Variants in ZNF431 observed in about 807,000 individuals in gnomAD.
ZNF431 encodes the protein zinc finger protein 431.
Under a neutral mutation model 57.0 loss-of-function variants are expected in ZNF431, and 34 were observed. That is an observed-to-expected ratio of 0.60 (90% confidence interval 0.45 to 0.79). The LOEUF (loss-of-function observed/expected upper bound fraction) is 0.79, where lower values mean the gene tolerates loss of function less well. Among genes scored for constraint, ZNF431 ranks in the 30% least tolerant of loss-of-function variants. The pLI is 0.00. For missense variants in ZNF431, 607 were observed against 667.1 expected (o/e 0.91, Z 0.99); for synonymous variants, 207 against 220.3 (o/e 0.94, Z 0.54).
intron 2 of ZNF431, among the ~76,000 whole-genome samples, chr19:21,153,355 C>T (rs991858525): frequency 6.6e-6 from 1 of 152,174 alleles, no homozygotes; most frequent in Admixed American, 6.5e-5. Flanking sequence ...TTTTACTCAG[C>T]CTCTATTCAA....
chr19:21,186,175 C>G lies in ZNF431; in HGVS notation c.*2141C>G, dbSNP rs1381992682. 1 of 152,130 alleles carries G rather than the reference C, an allele frequency of 6.6e-6. No homozygotes were observed. Among genetic ancestry groups the G allele is most frequent in the Non-Finnish European group, 1.5e-5 (1 of 68,092 alleles). 9.4% of individuals were successfully genotyped at this position (152,130 alleles called of 1,614,324 possible). On this transcript the variant is annotated 3_prime_UTR_variant, in exon 5 of 5. Coordinates refer to ENST00000311048, the MANE Select transcript of ZNF431 (RefSeq NM_133473.4). ...GCATGTGCCTGTAATCCCAGCTACT[C>G]AGGAGGCTGAGGCAGGAGAATCGCT...
At position 21,191,559 on chromosome 19, in the gene ZNF431, A is replaced by G. The variant is rs1419963571; in HGVS notation, c.*7525A>G. ...AGGCCTTACATTTAAGTACTAATTT[A>G]TTTCGAGTTTATTTTTACATATGGT... On this transcript the variant is annotated 3_prime_UTR_variant, in exon 5 of 5. Transcript: ENST00000311048. The G allele has an allele frequency of 6.6e-6, 1 of 152,046 alleles. No individual in the cohort carries two copies. The highest frequency in any genetic ancestry group is 1.5e-5 in the Non-Finnish European group (1 of 68,010). 9.4% of individuals were successfully genotyped at this position (152,046 alleles called of 1,614,324 possible). A position where few individuals can be genotyped will look rare whatever the true frequency, so the allele number is the denominator to read the frequency against.
chr19:21,145,271 C>A (rs558793442), intron 2 of ZNF431, among the ~76,000 whole-genome samples: 5 of 152,224 alleles, frequency 3.3e-5, no homozygotes, highest in African/African-American at 9.6e-5. Flanking sequence ...GTCAGGAGAT[C>A]GAGACCATCC....
At chr19:21,165,069 A>G (rs536359136) in intron 2 of ZNF431, among the ~76,000 whole-genome samples, 5 of 141,680 alleles carry the variant, frequency 3.5e-5, no homozygotes, top group Admixed American at 1.5e-4. Context: ...AGATCACACC[A>G]TTGCACTTCA....
In ZNF431 at chr19:21,190,510, A is replaced by G. The variant is rs1194663331; in HGVS notation, c.*6476A>G. The G allele has an allele frequency of 2.0e-5, 3 of 151,846 alleles. No individual in the cohort carries two copies. The highest frequency in any genetic ancestry group is 4.4e-5 in the Non-Finnish European group (3 of 67,992). The allele number at this position is 151,846 out of a possible 1,614,324, so 9.4% of individuals were successfully genotyped here. The stretch of plus-strand genomic sequence containing the variant: ...CCAACACTTTTTTCTTTTTCTTTTA[A>G]TAAGAGTTATTCTAACAGGAATGAG... On this transcript the variant is annotated 3_prime_UTR_variant, in exon 5 of 5. Coordinates refer to ENST00000311048, the MANE Select transcript of ZNF431 (RefSeq NM_133473.4).
chr19:21,157,366 G>A (rs753696814), intron 2 of ZNF431, among the ~76,000 whole-genome samples: 16 of 152,010 alleles, frequency 1.1e-4, no homozygotes, highest in Non-Finnish European at 1.8e-4. Flanking sequence ...GCCTATTATT[G>A]ACTTTCTAAT....
At chr19:21,166,663 C>G (rs1021401515) in intron 3 of ZNF431, among the ~76,000 whole-genome samples, 35 of 152,076 alleles carry the variant, frequency 2.3e-4, no homozygotes, top group Non-Finnish European at 1.5e-5. Flanking sequence ...CATTCCTGAG[C>G]TGATGTGTAT....
chr19:21,177,400 A>G (rs1309918879), intron 4 of ZNF431, among the ~76,000 whole-genome samples: 1 of 152,132 alleles, frequency 6.6e-6, no homozygotes, highest in African/African-American at 2.4e-5. Context: ...ATGTTTTTAT[A>G]ACAGTACCAG....
At chr19:21,171,534 T>C (rs1265393194) in intron 4 of ZNF431, among the ~76,000 whole-genome samples, 1 of 151,912 alleles carries the variant, frequency 6.6e-6, no homozygotes, top group African/African-American at 2.4e-5. Context: ...GATCAGATTA[T>C]ATGTGTGTGT....
At chr19:21,144,212 T>G (rs574384664) in intron 2 of ZNF431, among the ~76,000 whole-genome samples, 21 of 152,230 alleles carry the variant, frequency 1.4e-4, no homozygotes, top group African/African-American at 4.3e-4. Context: ...GGAATTTTTT[T>G]TTTTTTTTGA....
At chr19:21,144,793 G>C (rs1970036624) in intron 2 of ZNF431, among the ~76,000 whole-genome samples, 2 of 152,126 alleles carry the variant, frequency 1.3e-5, no homozygotes, top group South Asian at 4.1e-4. Flanking sequence ...TAGATAATTG[G>C]TGAGTTACAT....
In ZNF431 at chr19:21,195,580, T is replaced by C. The variant is rs1220586752; in HGVS notation, c.*11546T>C. 2 of 152,250 alleles carry C rather than the reference T, an allele frequency of 1.3e-5. No individual in the cohort carries two copies. The highest frequency in any genetic ancestry group is 4.8e-5 in the African/African-American group (2 of 41,480). 9.4% of individuals were successfully genotyped at this position (152,250 alleles called of 1,614,324 possible). On this transcript the variant is annotated 3_prime_UTR_variant, in exon 5 of 5. Transcript: ENST00000311048. ...GTATCAGACAACCATGATTATGATG[T>C]ATATACCTGGTATAAACAATCTTTT...
In ZNF431 at chr19:21,191,504, A is replaced by G. The variant is rs540522160; in HGVS notation, c.*7470A>G. ...AACAATGTTATAGGGCTTTTGCTCT[A>G]TATTTTGGCAGTAGTAGTTTCAGAG... On this transcript the variant is annotated 3_prime_UTR_variant, in exon 5 of 5. Coordinates refer to ENST00000311048, the MANE Select transcript of ZNF431 (RefSeq NM_133473.4). 6.6e-6 allele frequency: 1 copy of G among 152,110 alleles called. No homozygotes were observed. The highest frequency in any genetic ancestry group is 6.6e-5 in the Admixed American group (1 of 15,258). 9.4% of individuals were successfully genotyped at this position (152,110 alleles called of 1,614,324 possible).
rs1438540916 is a variant in ZNF431 at position 21,146,427 on chromosome 19, A to G, written c.96+2784A>G. Among the ~76,000 whole-genome samples, 16 of 138,718 alleles carry G rather than the reference A, an allele frequency of 1.2e-4. No individual in the cohort carries two copies. The East Asian group carries it at 3.4e-3, about 30-fold the overall frequency. The allele number at this position is 138,718 out of a possible 152,430, so 91.0% of individuals were successfully genotyped here. A position where few individuals can be genotyped will look rare whatever the true frequency, so the allele number is the denominator to read the frequency against. On this transcript the variant is annotated intron_variant, in intron 2 of 4. Coordinates refer to ENST00000311048, the MANE Select transcript of ZNF431 (RefSeq NM_133473.4). ...TCTGTCTGAAAAAAAAAAAAAAAAA[A>G]GAAGAAGAAAGAAAGTAAAGGAATA...
intron 4 of ZNF431, among the ~76,000 whole-genome samples, chr19:21,168,277 A>G (rs1031069138): frequency 6.6e-5 from 10 of 152,158 alleles, no homozygotes; most frequent in African/African-American, 2.4e-4. Context: ...TGTGAAAAAA[A>G]TACCACTGGA....
intron 2 of ZNF431, among the ~76,000 whole-genome samples, chr19:21,156,386 T>C (rs1210733126): frequency 6.6e-6 from 1 of 152,160 alleles, no homozygotes; most frequent in Non-Finnish European, 1.5e-5. Flanking sequence ...TTAACTTTTC[T>C]TTTTGGTTAA....
intron 4 of ZNF431, among the ~76,000 whole-genome samples, chr19:21,179,455 G>C (rs1405655523): frequency 6.6e-6 from 1 of 151,954 alleles, no homozygotes; most frequent in Non-Finnish European, 1.5e-5. Context: ...TATGATGTTA[G>C]GGTGTCCATT....
Position 21,194,680 on chromosome 19 carries a change from GC to G in ZNF431, c.*10647del, listed in dbSNP as rs1971573088. ...GATCGAGTTTTGCTGTGTTGGCCAG[GC>G]TGGTCTCAAACTCCCGGCGTCCCAA... On this transcript the variant is annotated 3_prime_UTR_variant, in exon 5 of 5. Coordinates refer to ENST00000311048, the MANE Select transcript of ZNF431 (RefSeq NM_133473.4). The G allele has an allele frequency of 6.6e-6, 1 of 152,002 alleles. No individual in the cohort carries two copies. Among genetic ancestry groups the G allele is most frequent in the Non-Finnish European group, 1.5e-5 (1 of 68,012 alleles). The allele number at this position is 152,002 out of a possible 1,614,324, so 9.4% of individuals were successfully genotyped here. A position where few individuals can be genotyped will look rare whatever the true frequency, so the allele number is the denominator to read the frequency against.
Position 21,142,180 on chromosome 19 carries a change from A to T in ZNF431, c.-4A>T. ...AGACACCGGGACCCCCTGAAAGCCT[A>T]GAAATGGTGAGAGTGCCGGGTCGGA... is the stretch of plus-strand genomic sequence containing the variant. On this transcript the variant is annotated 5_prime_UTR_variant, in exon 1 of 5. Coordinates refer to ENST00000311048, the MANE Select transcript of ZNF431 (RefSeq NM_133473.4). 2 of 1,612,916 alleles carry T rather than the reference A, an allele frequency of 1.2e-6. No individual in the cohort carries two copies. The highest frequency in any genetic ancestry group is 1.7e-6 in the Non-Finnish European group (2 of 1,179,242).
Sources: gnomAD v4.1 joint callset for allele counts (sites outside exome capture counted in the v4.1 genomes callset) on GRCh38, gnomAD v4.1.1 for gene constraint, MANE v1.5 for transcripts, NCBI Gene and HGNC (gene_info 2026-07-23, HGNC 2026-07-21) for gene names.